SLC35G1: variants seen among roughly 807,000 people sequenced by gnomAD.
The protein encoded by SLC35G1 is solute carrier family 35 member G1.
In SLC35G1, 10 loss-of-function variants were observed where a neutral mutation model predicts 17.1. The observed-to-expected ratio is 0.59, with a 90% CI of 0.36 to 0.99. SLC35G1 has a LOEUF of 0.99. Among genes scored for constraint, SLC35G1 ranks in the 50% least tolerant of loss-of-function variants. The probability of loss-of-function intolerance (pLI) is 0.01; values close to 1 mark genes in which losing one functional copy is unlikely to be tolerated. For synonymous variants in SLC35G1, 185 were observed against 181.1 expected (o/e 1.02, Z -0.18); for missense variants, 433 against 468.4 (o/e 0.92, Z 0.70).
Position 93,894,115 on chromosome 10 carries a change from A to G in SLC35G1, c.82A>G (p.Thr28Ala). 6.7e-7 allele frequency: 1 copy of G among 1,487,180 alleles called. No homozygotes were observed. The highest frequency in any genetic ancestry group is 8.9e-7 in the Non-Finnish European group (1 of 1,126,266). The allele number at this position is 1,487,180 out of a possible 1,614,324, so 92.1% of individuals were successfully genotyped here. ...PLTDDAPPGA[T>A]EEPAAAEAAG... ...AACGGACGATGCACCCCCGGGCGCC[A>G]CTGAGGAGCCGGCGGCCGCCGAGGC... The change falls in exon 1 of 3, where the codon ACT (threonine) becomes GCT (alanine). Residue 28 changes from threonine (T) to alanine (A), a missense_variant. Coordinates refer to ENST00000427197, the MANE Select transcript of SLC35G1 (RefSeq NM_001134658.3).
At chr10:93,905,169 C>A (rs891949104), downstream of SLC35G1, among the ~76,000 whole-genome samples, 8 of 152,160 alleles carry the variant, frequency 5.3e-5, no homozygotes, top group Non-Finnish European at 8.8e-5. Context: ...GTGTACTCAG[C>A]ATGGTTCTTT....
chr10:93,896,066 C>T (rs554615567), intron 1 of SLC35G1, among the ~76,000 whole-genome samples: 1 of 151,922 alleles, frequency 6.6e-6, no homozygotes, highest in South Asian at 2.1e-4. Flanking sequence ...TCACAGCTCA[C>T]GGCGACCTCA....
At chr10:93,905,303 C>A (rs58788560), downstream of SLC35G1, among the ~76,000 whole-genome samples, 485 of 152,088 alleles carry the variant, frequency 3.2e-3, 4 homozygotes, top group African/African-American at 0.011. Flanking sequence ...GATCCATGGT[C>A]AATAATGGGC....
chr10:93,901,249 TATTTCTC>T lies in SLC35G1; in HGVS notation c.860_866del (p.Phe287TyrfsTer20), dbSNP rs759606272. On this transcript the variant is annotated frameshift_variant, in exon 3 of 3. Coordinates refer to ENST00000427197, the MANE Select transcript of SLC35G1 (RefSeq NM_001134658.3). LOFTEE classifies it high-confidence loss of function. ...CTGCCTTACTGTGGGTTGGACAGGC[TATTTCTC>T]ATATTCATTGGGCTCTTTGGTTTGG... 3.1e-6 allele frequency: 5 copies of T among 1,613,878 alleles called. No individual in the cohort carries two copies. In the African/African-American group the frequency reaches 6.7e-5, roughly 22 times the overall value.
chr10:93,901,324 C>T lies in SLC35G1; in HGVS notation c.932C>T (p.Ala311Val). The T allele has an allele frequency of 6.2e-7, 1 of 1,613,850 alleles. No individual in the cohort carries two copies. The highest frequency in any genetic ancestry group is 8.5e-7 in the Non-Finnish European group (1 of 1,179,906). The change falls in exon 3 of 3, where the codon GCA becomes GTA. Residue 311 changes from alanine (A) to valine (V), a missense_variant. Physicochemically the swap from Ala to Val is moderately conservative, Grantham distance 64. Coordinates refer to ENST00000427197, the MANE Select transcript of SLC35G1 (RefSeq NM_001134658.3). ...ACAAAAGCACTTCAAATAGAAAAAG[C>T]AGGGCCAGTAGCAATAATGAAGACA... ...FITKALQIEK[A>V]GPVAIMKTMD...
chr10:93,901,700 TG>T lies in SLC35G1; in HGVS notation c.*212del, dbSNP rs1194118695. ...TTTTTGGTAGCTTTGGTTTTGGTTTTGGTTTTTTTTGTTGTTGTTGTTGGGG... is the reference window on the plus strand; with the variant it reads ...TTTTTGGTAGCTTTGGTTTTGGTTTTGTTTTTTTTGTTGTTGTTGTTGGGG... On this transcript the variant is annotated 3_prime_UTR_variant, in exon 3 of 3. Coordinates refer to ENST00000427197, the MANE Select transcript of SLC35G1 (RefSeq NM_001134658.3). The T allele has an allele frequency of 2.7e-5, 13 of 482,424 alleles. No homozygotes were observed. Among genetic ancestry groups the T allele is most frequent in the Admixed American group, 1.4e-4 (3 of 21,042 alleles). 29.9% of individuals were successfully genotyped at this position (482,424 alleles called of 1,614,324 possible).
chr10:93,900,586 C>T (rs963099216), intron 2 of SLC35G1, among the ~76,000 whole-genome samples, 166 bp from the exon 3 acceptor site: 1 of 152,000 alleles, frequency 6.6e-6, no homozygotes, highest in Admixed American at 6.6e-5. Context: ...TTAGAAAATA[C>T]TATTTTTAAA....
rs1276712975 is a variant in SLC35G1 at position 93,894,114 on chromosome 10, C to G, written c.81C>G (p.Ala27=). Residue 27 remains alanine, a synonymous_variant, in exon 1 of 3, where the codon GCC becomes GCG. Coordinates refer to ENST00000427197, the MANE Select transcript of SLC35G1 (RefSeq NM_001134658.3). ...LPLTDDAPPG[A]TEEPAAAEAA... Reference sequence around the variant, plus strand: ...TAACGGACGATGCACCCCCGGGCGCCACTGAGGAGCCGGCGGCCGCCGAGG... The same window carrying G: ...TAACGGACGATGCACCCCCGGGCGCGACTGAGGAGCCGGCGGCCGCCGAGG... The G allele has an allele frequency of 2.0e-6, 3 of 1,487,226 alleles. No individual in the cohort carries two copies. Among genetic ancestry groups the G allele is most frequent in the Non-Finnish European group, 2.7e-6 (3 of 1,126,356 alleles). 92.1% of individuals were successfully genotyped at this position (1,487,226 alleles called of 1,614,324 possible).
intron 1 of SLC35G1, among the ~76,000 whole-genome samples, chr10:93,895,061 T>C: frequency 6.6e-6 from 1 of 152,292 alleles, no homozygotes; most frequent in East Asian, 1.9e-4. Context: ...AAGTCGACCA[T>C]CTACCAGGAG....
Position 93,901,442 on chromosome 10 carries a change from C to T in SLC35G1, c.1050C>T (p.Ala350=). The change falls in exon 3 of 3, where the codon GCC becomes GCT. Residue 350 remains alanine, a synonymous_variant. Coordinates refer to ENST00000427197, the MANE Select transcript of SLC35G1 (RefSeq NM_001134658.3). ...TGGGTGGTGCTCTCTGCGTAGTAGCCAGTAATGTTGGAGCGGCCATTCGTA... is the reference window on the plus strand; with the variant it reads ...TGGGTGGTGCTCTCTGCGTAGTAGCTAGTAATGTTGGAGCGGCCATTCGTA... ...WTVGGALCVV[A]SNVGAAIRKW... is the part of the protein sequence containing the mutation. 6.2e-7 allele frequency: 1 copy of T among 1,607,472 alleles called. No individual in the cohort carries two copies.
chr10:93,895,149 G>T (rs1333215666), intron 1 of SLC35G1, among the ~76,000 whole-genome samples: 1 of 152,046 alleles, frequency 6.6e-6, no homozygotes, highest in East Asian at 1.9e-4. Flanking sequence ...TTGTCCTCTG[G>T]GTCACCTCCC....
At chr10:93,905,266 C>G (rs542538102), downstream of SLC35G1, among the ~76,000 whole-genome samples, 1 of 152,086 alleles carries the variant, frequency 6.6e-6, no homozygotes, top group African/African-American at 2.4e-5. Flanking sequence ...CTTGATATCA[C>G]CCTGGTCTCT....
At chr10:93,898,874 G>C in intron 2 of SLC35G1, 123 bp downstream of exon 2, 1 of 944,502 alleles carries the variant, frequency 1.1e-6, no homozygotes, top group South Asian at 2.2e-5. Context: ...ATGCCCCTTG[G>C]CTCTGCTTAA....
intron 1 of SLC35G1, among the ~76,000 whole-genome samples, chr10:93,896,292 A>G (rs2060329219): frequency 6.6e-6 from 1 of 152,206 alleles, no homozygotes; most frequent in Non-Finnish European, 1.5e-5. Context: ...CACTGCACCC[A>G]GGAATTAAAG....
chr10:93,907,301 C>G (rs2060435143), downstream of SLC35G1: 1 of 152,100 alleles, frequency 6.6e-6, no homozygotes, highest in South Asian at 2.1e-4. Flanking sequence ...TTAGAAAAGT[C>G]AGAAGTCTTT....
chr10:93,901,093 T>C lies in SLC35G1; in HGVS notation c.701T>C (p.Phe234Ser). The C allele has an allele frequency of 1.2e-6, 2 of 1,614,096 alleles. No homozygotes were observed. Among genetic ancestry groups the C allele is most frequent in the Non-Finnish European group, 1.7e-6 (2 of 1,179,964 alleles). The change falls in exon 3 of 3, where the codon TTT becomes TCT. Residue 234 changes from phenylalanine (F) to serine (S), a missense_variant. Coordinates refer to ENST00000427197, the MANE Select transcript of SLC35G1 (RefSeq NM_001134658.3). ...TTCGCAGCAATTGGAAGTGCCGTAT[T>C]TGCTGCATCGACTCTAGTTATCCTA... Reference protein sequence around the residue: ...GTFAAIGSAVFAASTLVILRK... With the variant: ...GTFAAIGSAVSAASTLVILRK...
At chr10:93,906,562 G>A (rs193127205), downstream of SLC35G1, among the ~76,000 whole-genome samples, 7 of 152,148 alleles carry the variant, frequency 4.6e-5, no homozygotes, top group East Asian at 7.7e-4. Context: ...AAATATAAAC[G>A]ATAAAATTGT....
intron 1 of SLC35G1, among the ~76,000 whole-genome samples, chr10:93,898,104 G>A (rs1038826624): frequency 2.0e-5 from 3 of 152,182 alleles, no homozygotes; most frequent in African/African-American, 4.8e-5. Flanking sequence ...CTTGTGGGAG[G>A]AAGTCAAATA....
At chr10:93,898,429 T>G in intron 1 of SLC35G1, 142 bp from the exon 2 acceptor site, 1 of 693,808 alleles carries the variant, frequency 1.4e-6, no homozygotes, top group Non-Finnish European at 2.3e-6. Flanking sequence ...GGGAAAATGG[T>G]ACAGGCCCAG....
Sources: allele counts gnomAD v4.1 joint callset (sites outside exome capture counted in the v4.1 genomes callset), GRCh38; gene constraint gnomAD v4.1.1; transcripts MANE v1.5; gene names NCBI Gene and HGNC (gene_info 2026-07-23, HGNC 2026-07-21).